NSD1: variants seen among roughly 807,000 people sequenced by gnomAD.
The protein encoded by NSD1 is nuclear receptor binding SET domain protein 1, also known as histone-lysine N-methyltransferase, H3 lysine-36 specific.
A neutral mutation model predicts 242.7 loss-of-function variants in NSD1; 26 were observed. The observed-to-expected ratio is 0.11, with a 90% CI of 0.08 to 0.15. The LOEUF (loss-of-function observed/expected upper bound fraction) is 0.15. Ranked by LOEUF, NSD1 falls within the 10% of genes least tolerant of loss-of-function variation. The pLI is 1.00. For synonymous variants in NSD1, 1,106 were observed against 1,178.1 expected, an observed-to-expected ratio of 0.94 and a Z score of 1.25; for missense variants, 2,495 against 3,272.8, an observed-to-expected ratio of 0.76 and a Z score of 5.80.
intron 8 of NSD1, among the ~76,000 whole-genome samples, chr5:177,242,947 G>A (rs1300001756): frequency 6.6e-6 from 1 of 152,178 alleles, no homozygotes; most frequent in Non-Finnish European, 1.5e-5. Flanking sequence ...CTAATTCATA[G>A]AAGTATATTA....
intron 2 of NSD1, among the ~76,000 whole-genome samples, chr5:177,154,996 A>ATT (rs908860638): frequency 1.7e-5 from 2 of 120,380 alleles, no homozygotes; most frequent in Non-Finnish European, 1.8e-5. Context: ...GTGCCCGGCA[A>ATT]TTTTTTTTTT....
intron 2 of NSD1, among the ~76,000 whole-genome samples, chr5:177,170,926 T>C (rs948335623): frequency 2.0e-5 from 3 of 151,928 alleles, no homozygotes; most frequent in African/African-American, 7.2e-5. Flanking sequence ...TTTATCTGTT[T>C]ATATCTGGCT....
At chr5:177,136,073 T>G (rs1756302287) in intron 2 of NSD1, 43 bp downstream of exon 2, 2 of 1,503,756 alleles carry the variant, frequency 1.3e-6, no homozygotes, top group African/African-American at 2.8e-5. Context: ...CATATATGTA[T>G]ATATACAGGC....
In NSD1 at chr5:177,200,645, A is replaced by G. The variant is rs980283128; in HGVS notation, c.1064-3475A>G. Among the ~76,000 whole-genome samples, 6 of 152,314 alleles carry G rather than the reference A, an allele frequency of 3.9e-5. No homozygotes were observed. In the South Asian group the frequency reaches 1.0e-3, roughly 26 times the overall value. ...ACTATTTTAGATACCACATATAACT[A>G]GAATCAGACATTTGTCCTATTGACC... On this transcript the variant is annotated intron_variant, in intron 3 of 22. Transcript: ENST00000439151.
intron 3 of NSD1, 86 bp from the exon 4 acceptor site, chr5:177,204,034 T>C: frequency 1.5e-6 from 2 of 1,299,758 alleles, no homozygotes; most frequent in Non-Finnish European, 2.2e-6. Context: ...GACAGTCTTC[T>C]TTGGCGGCAA....
At chr5:177,214,937 G>A (rs1282008160) in intron 5 of NSD1, among the ~76,000 whole-genome samples, 4 of 152,038 alleles carry the variant, frequency 2.6e-5, no homozygotes, top group Admixed American at 2.0e-4. Context: ...TCCTGACCTC[G>A]TGATCCACCC....
chr5:177,281,359 C>A (rs1384073356), intron 18 of NSD1, among the ~76,000 whole-genome samples: 1 of 145,504 alleles, frequency 6.9e-6, no homozygotes, highest in African/African-American at 2.6e-5. Flanking sequence ...ATAAAATAAG[C>A]CTTATTCTGG....
chr5:177,156,220 C>T (rs1043688091), intron 2 of NSD1, among the ~76,000 whole-genome samples: 1 of 107,246 alleles, frequency 9.3e-6, no homozygotes, highest in Non-Finnish European at 1.7e-5. Flanking sequence ...CTTGCTCTGT[C>T]TCCAGGCTGG....
At chr5:177,191,223 G>A (rs1484152776) in intron 2 of NSD1, among the ~76,000 whole-genome samples, 1 of 151,964 alleles carries the variant, frequency 6.6e-6, no homozygotes, top group Non-Finnish European at 1.5e-5. Flanking sequence ...ACCTGCCTCG[G>A]CCTCCCAAAG....
chr5:177,294,461 A>G lies in NSD1; in HGVS notation c.7093A>G (p.Ile2365Val), dbSNP rs1026514188. 3.7e-6 allele frequency: 6 copies of G among 1,614,058 alleles called. No individual in the cohort carries two copies. The highest frequency in any genetic ancestry group is 1.7e-5 in the Admixed American group (1 of 60,002). The change falls in exon 23 of 23, where the codon ATA becomes GTA. Residue 2365 changes from isoleucine to valine, a missense_variant. Coordinates refer to ENST00000439151, the MANE Select transcript of NSD1 (RefSeq NM_022455.5). ...GGCTGACCCAAGGCTGGATAAATCC[A>G]TAGGTGCTGCCAGCCCAAGGCCCCA... ...GTADPRLDKS[I>V]GAASPRPQSL... is the part of the protein sequence containing the mutation.
chr5:177,261,545 G>A (rs1422560221), intron 14 of NSD1, among the ~76,000 whole-genome samples: 1 of 151,964 alleles, frequency 6.6e-6, no homozygotes, highest in Non-Finnish European at 1.5e-5. Flanking sequence ...CTAAAGTTCT[G>A]AATTCGTTAT....
intron 2 of NSD1, chr5:177,137,046 T>C: frequency 2.1e-6 from 1 of 478,838 alleles, no homozygotes; most frequent in Admixed American, 3.5e-5. Flanking sequence ...AGTTGTTGTT[T>C]TCAGTAATGC....
At chr5:177,161,000 C>A (rs1332104913) in intron 2 of NSD1, among the ~76,000 whole-genome samples, 1 of 152,006 alleles carries the variant, frequency 6.6e-6, no homozygotes, top group Admixed American at 6.6e-5. Context: ...ACTTCTGGAC[C>A]TCAGGTGATC....
chr5:177,209,498 C>T, intron 4 of NSD1, 138 bp from the exon 5 acceptor site: 1 of 666,826 alleles, frequency 1.5e-6, no homozygotes. Flanking sequence ...CACTGCACTC[C>T]AGCCTGGGCG....
intron 8 of NSD1, among the ~76,000 whole-genome samples, chr5:177,240,718 A>C (rs899237491): frequency 9.2e-5 from 14 of 152,038 alleles, no homozygotes; most frequent in African/African-American, 2.7e-4. Flanking sequence ...GTCTCAAAAA[A>C]ATAAAAAATC....
rs1320561007 is a variant in NSD1 at position 177,283,900 on chromosome 5, C to T, written c.6123C>T (p.Gly2041=). ...KWSVNGDTRV[G]LFALSDIKAG... ...CTGTGAATGGAGATACCCGTGTAGG[C>T]CTTTTTGCACTAAGTGACATTAAAG... is the stretch of plus-strand genomic sequence containing the variant. Residue 2041 remains glycine (G), a synonymous_variant, in exon 20 of 23, where the codon GGC becomes GGT. Transcript: ENST00000439151. The T allele has an allele frequency of 6.2e-7, 1 of 1,614,016 alleles. No individual in the cohort carries two copies. The highest frequency in any genetic ancestry group is 2.2e-5 in the East Asian group (1 of 44,888).
chr5:177,290,124 G>C (rs142995014), intron 21 of NSD1, among the ~76,000 whole-genome samples: 2 of 150,402 alleles, frequency 1.3e-5, no homozygotes, highest in African/African-American at 4.9e-5. Flanking sequence ...CACTGTGCCC[G>C]GCCCTTATAT....
intron 14 of NSD1, 137 bp from the exon 15 acceptor site, chr5:177,267,425 A>G: frequency 1.3e-6 from 1 of 764,706 alleles, no homozygotes; most frequent in Admixed American, 2.1e-5. Flanking sequence ...TCTGGTCATT[A>G]TGTGTCACTG....
chr5:177,243,297 G>T (rs1363063139), intron 8 of NSD1, among the ~76,000 whole-genome samples: 2 of 152,008 alleles, frequency 1.3e-5, no homozygotes, highest in African/African-American at 2.4e-5. Flanking sequence ...CAGTTCTCCT[G>T]CTTCAGCCTC....
Sources: allele counts gnomAD v4.1 joint callset (sites outside exome capture counted in the v4.1 genomes callset), GRCh38; gene constraint gnomAD v4.1.1; transcripts MANE v1.5; gene names NCBI Gene and HGNC (gene_info 2026-07-23, HGNC 2026-07-21).